The following TNPO1 variants were observed in gnomAD, a reference collection of about 807,000 sequenced individuals.
TNPO1 encodes transportin-1.
A neutral mutation model predicts 119.5 loss-of-function variants in TNPO1; 8 were observed. The observed-to-expected ratio is 0.07, with a 90% CI of 0.04 to 0.12. The LOEUF (loss-of-function observed/expected upper bound fraction) is 0.12. Among genes scored for constraint, TNPO1 ranks in the 10% least tolerant of loss-of-function variants. The pLI is 1.00. For missense variants in TNPO1, 576 were observed against 1,089.8 expected (o/e 0.53, Z 6.64); for synonymous variants, 362 against 363.0 (o/e 1.00, Z 0.03).
intron 7 of TNPO1, among the ~76,000 whole-genome samples, chr5:72,872,989 T>G (rs1391531143): frequency 6.6e-6 from 1 of 152,148 alleles, no homozygotes; most frequent in African/African-American, 2.4e-5. Context: ...GTATCTTGAC[T>G]ACTTTAAAAA....
chr5:72,909,402 G>A lies in TNPO1; in HGVS notation c.*729G>A, dbSNP rs534432340. The A allele has an allele frequency of 6.6e-6, 1 of 152,264 alleles. No individual in the cohort carries two copies. The highest frequency in any genetic ancestry group is 1.9e-4 in the East Asian group (1 of 5,188). The allele number at this position is 152,264 out of a possible 1,614,324, so 9.4% of individuals were successfully genotyped here. A position where few individuals can be genotyped will look rare whatever the true frequency, so the allele number is the denominator to read the frequency against. On this transcript the variant is annotated 3_prime_UTR_variant, in exon 25 of 25. Coordinates refer to ENST00000337273, the MANE Select transcript of TNPO1 (RefSeq NM_002270.4). Reference sequence around the variant, plus strand: ...GGTGGGCAGGGAGGGAGGAATAAATGGGGTTGGGCATATCAAACTAAAGAT... The same window carrying A: ...GGTGGGCAGGGAGGGAGGAATAAATAGGGTTGGGCATATCAAACTAAAGAT...
intron 7 of TNPO1, among the ~76,000 whole-genome samples, chr5:72,873,135 A>G (rs1747530025): frequency 6.6e-6 from 1 of 152,136 alleles, no homozygotes; most frequent in Non-Finnish European, 1.5e-5. Context: ...CTACAAGGAC[A>G]GTATTTTCCA....
intron 6 of TNPO1, among the ~76,000 whole-genome samples, chr5:72,867,140 T>C (rs1424732855): frequency 1.3e-5 from 2 of 150,642 alleles, no homozygotes; most frequent in African/African-American, 4.9e-5. Flanking sequence ...CACTGTGCTC[T>C]AGCCTGAGTG....
intron 3 of TNPO1, among the ~76,000 whole-genome samples, chr5:72,854,996 T>C (rs1745872191): frequency 2.6e-5 from 4 of 151,516 alleles, no homozygotes; most frequent in Admixed American, 2.0e-4. Context: ...TTCAAAAAAT[T>C]TTTTTTTTGT....
intron 14 of TNPO1, 40 bp downstream of exon 14, chr5:72,889,997 A>G: frequency 1.9e-6 from 3 of 1,589,500 alleles, no homozygotes; most frequent in Non-Finnish European, 2.6e-6. Context: ...AATAATGTGT[A>G]GCATAGTTAC....
intron 3 of TNPO1, among the ~76,000 whole-genome samples, chr5:72,854,256 A>G (rs1456959210): frequency 2.6e-5 from 4 of 152,180 alleles, no homozygotes; most frequent in Non-Finnish European, 5.9e-5. Flanking sequence ...GAGTCTCGCA[A>G]TGGGTTGTAA....
At chr5:72,898,675 A>G (rs1486419931) in intron 20 of TNPO1, among the ~76,000 whole-genome samples, 2 of 152,098 alleles carry the variant, frequency 1.3e-5, no homozygotes, top group African/African-American at 2.4e-5. Context: ...TCCGATTAGT[A>G]TATCCTGCAC....
At chr5:72,843,379 A>AG (rs1744995144) in intron 1 of TNPO1, among the ~76,000 whole-genome samples, 1 of 152,160 alleles carries the variant, frequency 6.6e-6, no homozygotes, top group Admixed American at 6.5e-5. Context: ...AGATCACTTG[A>AG]GGTCAGGAGT....
chr5:72,886,954 G>T, intron 11 of TNPO1, 116 bp from the exon 12 acceptor site: 72 of 611,938 alleles, frequency 1.2e-4, no homozygotes, highest in East Asian at 2.7e-4. Context: ...CTATTCAATT[G>T]AATTCTTATT....
At chr5:72,880,669 A>G (rs1748173741) in intron 9 of TNPO1, among the ~76,000 whole-genome samples, 1 of 152,142 alleles carries the variant, frequency 6.6e-6, no homozygotes, top group Non-Finnish European at 1.5e-5. Context: ...ATAAAAAATT[A>G]GCCAGGCATG....
chr5:72,882,350 A>G (rs1380519356), intron 9 of TNPO1, 117 bp from the exon 10 acceptor site: 6 of 681,550 alleles, frequency 8.8e-6, no homozygotes, highest in African/African-American at 1.8e-5. Flanking sequence ...AATAAGTTCA[A>G]AGACAATATT....
chr5:72,827,369 T>C (rs1190116468), intron 1 of TNPO1, among the ~76,000 whole-genome samples: 1 of 152,128 alleles, frequency 6.6e-6, no homozygotes, highest in African/African-American at 2.4e-5. Context: ...CATGATTTAA[T>C]TACAGATTTA....
intron 6 of TNPO1, among the ~76,000 whole-genome samples, chr5:72,871,358 TC>T (rs2112362095): frequency 6.6e-6 from 1 of 152,264 alleles, no homozygotes; most frequent in South Asian, 2.1e-4. Context: ...GGGGTTGAGC[TC>T]CCCATAGTAT....
intron 1 of TNPO1, among the ~76,000 whole-genome samples, chr5:72,830,011 G>A (rs1373797800): frequency 1.3e-5 from 2 of 152,118 alleles, no homozygotes; most frequent in Non-Finnish European, 2.9e-5. Flanking sequence ...GGATTGTGAA[G>A]GTAGGAGATT....
chr5:72,841,965 T>C (rs1259988165), intron 1 of TNPO1, among the ~76,000 whole-genome samples: 1 of 152,234 alleles, frequency 6.6e-6, no homozygotes, highest in East Asian at 1.9e-4. Context: ...GCAAATTTCT[T>C]AAGCTGTTTT....
At chr5:72,867,961 A>T (rs1317553344) in intron 6 of TNPO1, among the ~76,000 whole-genome samples, 1 of 152,032 alleles carries the variant, frequency 6.6e-6, no homozygotes, top group Non-Finnish European at 1.5e-5. Flanking sequence ...GATGTTGAAG[A>T]TCTTGTATGT....
intron 2 of TNPO1, among the ~76,000 whole-genome samples, chr5:72,849,433 A>G (rs1280793861): frequency 6.6e-6 from 1 of 152,168 alleles, no homozygotes; most frequent in Non-Finnish European, 1.5e-5. Flanking sequence ...TTTGCAGAAA[A>G]GCCTCTTGAT....
intron 6 of TNPO1, among the ~76,000 whole-genome samples, chr5:72,872,370 T>TTAAAATAGTGCA (rs1747467323): frequency 1.3e-5 from 2 of 152,170 alleles, no homozygotes; most frequent in Non-Finnish European, 2.9e-5. Flanking sequence ...CCTCCACTCT[T>TTAAAATAGTGCA]TATGGGTATG....
At chr5:72,906,977 TGGA>T (rs1750216401) in intron 24 of TNPO1, among the ~76,000 whole-genome samples, 1 of 149,726 alleles carries the variant, frequency 6.7e-6, no homozygotes, top group African/African-American at 2.6e-5. Flanking sequence ...TAGATTGAAT[TGGA>T]GGAGTTTTTT....
Sources: allele counts gnomAD v4.1 joint callset (sites outside exome capture counted in the v4.1 genomes callset), GRCh38; gene constraint gnomAD v4.1.1; transcripts MANE v1.5; gene names NCBI Gene and HGNC (gene_info 2026-07-23, HGNC 2026-07-21).